Variants in CD200R1 observed in about 807,000 individuals in gnomAD.
The protein encoded by CD200R1 is CD200 receptor 1.
CD200R1 carries 30 observed loss-of-function variants against 38.1 expected under a neutral mutation model. That is an observed-to-expected ratio of 0.79 (90% CI 0.59 to 1.07). The LOEUF is 1.07. CD200R1 is among the 50% of genes least tolerant of loss of function. The pLI is 0.00. For synonymous variants in CD200R1, 128 were observed against 152.1 expected (o/e 0.84, Z 1.16); for missense variants, 372 against 415.4 (o/e 0.90, Z 0.91).
intron 1 of CD200R1, among the ~76,000 whole-genome samples, chr3:112,971,803 CTT>C (rs1286870708): frequency 1.3e-5 from 2 of 152,244 alleles, no homozygotes; most frequent in East Asian, 3.9e-4. Context: ...AGCTACAGCT[CTT>C]TCTCTCTCTG....
At chr3:112,958,228 A>C (rs1322592781) in intron 1 of CD200R1, among the ~76,000 whole-genome samples, 3 of 152,146 alleles carry the variant, frequency 2.0e-5, no homozygotes, top group African/African-American at 7.2e-5. Flanking sequence ...CAAAATTGCC[A>C]AAAAAACTGG....
intron 1 of CD200R1, among the ~76,000 whole-genome samples, chr3:112,958,832 T>A (rs1932932887): frequency 6.6e-6 from 1 of 152,282 alleles, no homozygotes; most frequent in Non-Finnish European, 1.5e-5. Flanking sequence ...AATGTTTTCG[T>A]GATTTTACTA....
intron 2 of CD200R1, among the ~76,000 whole-genome samples, chr3:112,942,153 C>T (rs1940742617): frequency 6.6e-6 from 1 of 151,574 alleles, no homozygotes; most frequent in South Asian, 2.1e-4. Flanking sequence ...AAGAAGAACA[C>T]TGGAAAACAA....
At chr3:112,958,264 T>C (rs1323644065) in intron 1 of CD200R1, among the ~76,000 whole-genome samples, 1 of 152,088 alleles carries the variant, frequency 6.6e-6, no homozygotes, top group African/African-American at 2.4e-5. Context: ...CAATTAACAG[T>C]TAAATCAATC....
chr3:112,928,619 A>T (rs1274830614), intron 5 of CD200R1, among the ~76,000 whole-genome samples, 197 bp downstream of exon 5: 1 of 152,184 alleles, frequency 6.6e-6, no homozygotes, highest in Non-Finnish European at 1.5e-5. Context: ...ATTAAACTGC[A>T]TTCTAAAAAA....
At position 112,927,374 on chromosome 3, in the gene CD200R1, T is replaced by G. The variant is rs901983898; in HGVS notation, c.769+1442A>C. 3.9e-5 allele frequency among the ~76,000 whole-genome samples: 6 copies of G among 152,204 alleles called. No individual in the cohort carries two copies. The East Asian group carries it at 1.2e-3, about 29-fold the overall frequency. Reference sequence around the variant, plus strand: ...CTGAACAGCCCCAGAGAAAAGGCCTTCAGATACATAACAAATCTCTAGTTA... The same window carrying G: ...CTGAACAGCCCCAGAGAAAAGGCCTGCAGATACATAACAAATCTCTAGTTA... On this transcript the variant is annotated intron_variant, in intron 5 of 7. Coordinates refer to ENST00000308611, the MANE Select transcript of CD200R1 (RefSeq NM_138806.4).
chr3:112,958,765 AAAT>A (rs1336152738), intron 1 of CD200R1, among the ~76,000 whole-genome samples: 12 of 152,170 alleles, frequency 7.9e-5, no homozygotes, highest in Non-Finnish European at 1.2e-4. Flanking sequence ...TTCACACTGA[AAAT>A]AATGTTTTTT....
chr3:112,943,290 A>G (rs1430519437), intron 2 of CD200R1, among the ~76,000 whole-genome samples: 1 of 151,848 alleles, frequency 6.6e-6, no homozygotes, highest in Non-Finnish European at 1.5e-5. Context: ...CTTTTAGACC[A>G]TGATGGAATT....
Position 112,924,471 on chromosome 3 carries a change from CT to C in CD200R1, c.924+18del, listed in dbSNP as rs530259331. Reference sequence around the variant, plus strand: ...CTATTGGCTTAAGTTTGCAATTAGTCTTTTTTATCTTATCTTACCTCCTCAA... The same window carrying C: ...CTATTGGCTTAAGTTTGCAATTAGTCTTTTTATCTTATCTTACCTCCTCAA... On this transcript the variant is annotated intron_variant, in intron 7 of 7. Transcript: ENST00000308611. The C allele has an allele frequency of 1.7e-4, 226 of 1,313,330 alleles. 1 individual carries two copies. The East Asian group carries it at 6.0e-3, about 35-fold the overall frequency. 81.4% of individuals were successfully genotyped at this position (1,313,330 alleles called of 1,614,324 possible). A position where few individuals can be genotyped will look rare whatever the true frequency, so the allele number is the denominator to read the frequency against.
intron 2 of CD200R1, among the ~76,000 whole-genome samples, chr3:112,933,379 C>T (rs1940501584): frequency 6.6e-6 from 1 of 152,230 alleles, no homozygotes; most frequent in South Asian, 2.1e-4. Flanking sequence ...GAAAAGCAGG[C>T]TGGCAAACCA....
chr3:112,943,790 A>G (rs570048467), intron 2 of CD200R1, among the ~76,000 whole-genome samples: 7 of 151,936 alleles, frequency 4.6e-5, no homozygotes, highest in African/African-American at 1.7e-4. Flanking sequence ...CACAGATGCC[A>G]TTTACATTAA....
chr3:112,963,267 T>C (rs535438194), intron 1 of CD200R1, among the ~76,000 whole-genome samples: 1 of 152,318 alleles, frequency 6.6e-6, no homozygotes, highest in African/African-American at 2.4e-5. Context: ...GCTGAAAAGA[T>C]ACCCAAAAAT....
chr3:112,932,477 T>A (rs945013935), intron 2 of CD200R1, among the ~76,000 whole-genome samples: 2 of 151,238 alleles, frequency 1.3e-5, no homozygotes, highest in Admixed American at 6.6e-5. Context: ...TGTACATGCA[T>A]CCTCACCCAG....
intron 5 of CD200R1, among the ~76,000 whole-genome samples, chr3:112,925,824 A>G (rs911630064): frequency 6.6e-6 from 1 of 152,190 alleles, no homozygotes; most frequent in African/African-American, 2.4e-5. Context: ...TAGATCATTC[A>G]ATAATGTCTC....
chr3:112,970,617 T>C (rs1344040674), intron 1 of CD200R1, among the ~76,000 whole-genome samples: 2 of 152,092 alleles, frequency 1.3e-5, no homozygotes, highest in African/African-American at 2.4e-5. Flanking sequence ...CAAATGGTTT[T>C]TCAGACACAA....
In CD200R1 at chr3:112,921,866, C is replaced by G. The variant is rs146572131; in HGVS notation, c.*1811G>C. The G allele has an allele frequency of 3.7e-4, 56 of 152,122 alleles. No individual in the cohort carries two copies. The East Asian group carries it at 0.01, about 28-fold the overall frequency. 9.4% of individuals were successfully genotyped at this position (152,122 alleles called of 1,614,324 possible). On this transcript the variant is annotated 3_prime_UTR_variant, in exon 8 of 8. Transcript: ENST00000308611. ...TGACATTATCAAGTTAAGAGGTAAG[C>G]ATAGTACTGTCTTACTTTGTTTTTC...
intron 2 of CD200R1, among the ~76,000 whole-genome samples, chr3:112,937,316 T>C (rs1437584585): frequency 6.6e-6 from 1 of 152,036 alleles, no homozygotes; most frequent in South Asian, 2.1e-4. Context: ...CCATGACACA[T>C]GGAGATTATA....
intron 2 of CD200R1, among the ~76,000 whole-genome samples, chr3:112,947,624 T>C (rs1014863340): frequency 2.0e-5 from 3 of 152,190 alleles, no homozygotes; most frequent in Non-Finnish European, 2.9e-5. Context: ...AAAAGTTGAA[T>C]AACAAATTTT....
chr3:112,959,488 CTG>C (rs890699927), intron 1 of CD200R1, among the ~76,000 whole-genome samples: 2 of 152,062 alleles, frequency 1.3e-5, no homozygotes, highest in African/African-American at 4.8e-5. Flanking sequence ...CTTGGGGCCT[CTG>C]TGCTGGTACT....
Sources: allele counts gnomAD v4.1 joint callset (sites outside exome capture counted in the v4.1 genomes callset), GRCh38; gene constraint gnomAD v4.1.1; transcripts MANE v1.5; gene names NCBI Gene and HGNC (gene_info 2026-07-23, HGNC 2026-07-21).